The following WDR49 variants were observed in gnomAD, a reference collection of about 807,000 sequenced individuals.
WDR49 encodes cilia- and flagella-associated protein 337.
WDR49 carries 107 observed loss-of-function variants against 119.5 expected under a neutral mutation model. That is an observed-to-expected ratio of 0.90 (90% CI 0.77 to 1.05). The LOEUF (loss-of-function observed/expected upper bound fraction) is 1.05. Among genes scored for constraint, WDR49 ranks in the 50% least tolerant of loss-of-function variants. WDR49 has a pLI of 0.00. For missense variants in WDR49, 1,240 were observed against 1,220.5 expected (o/e 1.02, Z -0.24); for synonymous variants, 425 against 418.8 (o/e 1.01, Z -0.18).
chr3:167,541,891 G>GGAGTAGCTAT (rs1711860725), intron 10 of WDR49, among the ~76,000 whole-genome samples: 1 of 151,972 alleles, frequency 6.6e-6, no homozygotes, highest in African/African-American at 2.4e-5. Flanking sequence ...AAAGCAAGCA[G>GGAGTAGCTAT]GAGTAGCTAT....
At chr3:167,480,707 G>A (rs1750685442) in intron 18 of WDR49, among the ~76,000 whole-genome samples, 1 of 152,216 alleles carries the variant, frequency 6.6e-6, no homozygotes, top group Non-Finnish European at 1.5e-5. Context: ...CAAAACAGCT[G>A]AGATAGGACA....
intron 11 of WDR49, among the ~76,000 whole-genome samples, chr3:167,535,494 C>T (rs1752988363): frequency 6.6e-6 from 1 of 152,042 alleles, no homozygotes; most frequent in South Asian, 2.1e-4. Flanking sequence ...AAAAAATGTT[C>T]AACATCACTG....
intron 15 of WDR49, among the ~76,000 whole-genome samples, chr3:167,522,744 C>T (rs1238632367): frequency 6.6e-6 from 1 of 152,100 alleles, no homozygotes; most frequent in Non-Finnish European, 1.5e-5. Context: ...TAATGAACTA[C>T]AAAAATTTTT....
intron 10 of WDR49, among the ~76,000 whole-genome samples, chr3:167,548,035 A>G (rs1712315778): frequency 6.6e-6 from 1 of 152,186 alleles, no homozygotes; most frequent in Admixed American, 6.6e-5. Context: ...ATAATTTTTT[A>G]GAGAACACAC....
chr3:167,491,563 A>T (rs1751133867), intron 18 of WDR49, among the ~76,000 whole-genome samples: 1 of 152,116 alleles, frequency 6.6e-6, no homozygotes, highest in South Asian at 2.1e-4. Flanking sequence ...GAATAAAACC[A>T]TCTCTTTAAT....
At chr3:167,500,934 T>C (rs1412677901) in intron 17 of WDR49, among the ~76,000 whole-genome samples, 1 of 152,228 alleles carries the variant, frequency 6.6e-6, no homozygotes, top group East Asian at 1.9e-4. Flanking sequence ...ACTGGGTTTT[T>C]GTCACGATGG....
intron 2 of WDR49, among the ~76,000 whole-genome samples, chr3:167,634,731 CGTGTGCCATTGGCAACATGTGA>C (rs1375995013): frequency 6.6e-6 from 1 of 151,694 alleles, no homozygotes; most frequent in Non-Finnish European, 1.5e-5. Context: ...AAGAAGAGAT[CGTGTGCCATTGGCAACATGTGA>C]GTGTGCCAAC....
intron 18 of WDR49, among the ~76,000 whole-genome samples, chr3:167,494,546 A>G (rs1751273214): frequency 6.6e-6 from 1 of 152,190 alleles, no homozygotes; most frequent in African/African-American, 2.4e-5. Flanking sequence ...TGATGACCAA[A>G]ATAACTAAAT....
rs78806810 is a variant in WDR49 at position 167,481,570 on chromosome 3, A to G, written c.3032-2574T>C. The stretch of plus-strand genomic sequence containing the variant: ...AATAGATCAACAAACATATAATTAG[A>G]GTAGGTACTTGTATTAATTCGCTTT... On this transcript the variant is annotated intron_variant, in intron 18 of 18. Coordinates refer to ENST00000682715, the MANE Select transcript of WDR49 (RefSeq NM_001366157.1). Among the ~76,000 whole-genome samples the G allele has an allele frequency of 6.0e-3, 919 of 152,320 alleles. 9 individuals carry two copies. The highest frequency in any genetic ancestry group is 0.021 in the African/African-American group (874 of 41,564).
chr3:167,635,063 AC>A (rs1200464146), intron 2 of WDR49, among the ~76,000 whole-genome samples: 2 of 151,698 alleles, frequency 1.3e-5, no homozygotes. Context: ...ATTATTTATA[AC>A]CCCATTATTA....
rs571401777 is a variant in WDR49 at position 167,600,434 on chromosome 3, T to C, written c.1275+1693A>G. Among the ~76,000 whole-genome samples, 10 of 152,322 alleles carry C rather than the reference T, an allele frequency of 6.6e-5. No homozygotes were observed. The East Asian group carries it at 1.9e-3, about 29-fold the overall frequency. ...CTGTATTTCCTACCCTCTTTGGTGA[T>C]CCTTTCAGTTAAAACCAGGTACTGT... On this transcript the variant is annotated intron_variant, in intron 7 of 18. Coordinates refer to ENST00000682715, the MANE Select transcript of WDR49 (RefSeq NM_001366157.1).
chr3:167,493,078 G>A (rs569595236), intron 18 of WDR49, among the ~76,000 whole-genome samples: 62 of 152,256 alleles, frequency 4.1e-4, no homozygotes, highest in African/African-American at 1.5e-3. Context: ...GAGTAATGGA[G>A]AGACACTGGA....
At chr3:167,595,600 G>C (rs1001822800) in intron 7 of WDR49, among the ~76,000 whole-genome samples, 4 of 152,114 alleles carry the variant, frequency 2.6e-5, no homozygotes, top group Admixed American at 6.5e-5. Flanking sequence ...ACAAACCTGA[G>C]AAAAACAAGC....
chr3:167,528,038 GA>G (rs2108238859), intron 14 of WDR49, 21 bp from the exon 15 acceptor site: 1 of 1,589,862 alleles, frequency 6.3e-7, no homozygotes, highest in Non-Finnish European at 8.6e-7. Context: ...AGAAATACCA[GA>G]ACTCTAAAAA....
At chr3:167,496,489 G>A (rs1751358606) in intron 18 of WDR49, among the ~76,000 whole-genome samples, 1 of 151,558 alleles carries the variant, frequency 6.6e-6, no homozygotes, top group Non-Finnish European at 1.5e-5. Context: ...CTGGCTCATA[G>A]CAACTTAACT....
intron 2 of WDR49, among the ~76,000 whole-genome samples, chr3:167,630,749 A>G (rs1335611963): frequency 6.6e-6 from 1 of 152,152 alleles, no homozygotes; most frequent in Non-Finnish European, 1.5e-5. Context: ...TACGGGAAAC[A>G]CAGGGTTAAG....
chr3:167,598,913 C>T (rs975454309), intron 7 of WDR49, among the ~76,000 whole-genome samples: 2 of 152,202 alleles, frequency 1.3e-5, no homozygotes, highest in Admixed American at 1.3e-4. Flanking sequence ...TATTCTCTCA[C>T]CTTACTTTCT....
chr3:167,511,758 C>T (rs771625084), intron 16 of WDR49, among the ~76,000 whole-genome samples: 14 of 152,096 alleles, frequency 9.2e-5, no homozygotes, highest in Non-Finnish European at 1.9e-4. Flanking sequence ...TCCAATCAGC[C>T]GTTTTCCCCT....
intron 16 of WDR49, among the ~76,000 whole-genome samples, chr3:167,521,149 CA>C (rs1330691002): frequency 2.0e-5 from 3 of 151,760 alleles, no homozygotes; most frequent in Non-Finnish European, 4.4e-5. Context: ...ACAGGCCAAG[CA>C]GAAGTTAAAC....
Sources: gnomAD v4.1 joint callset for allele counts (sites outside exome capture counted in the v4.1 genomes callset) on GRCh38, gnomAD v4.1.1 for gene constraint, MANE v1.5 for transcripts, NCBI Gene and HGNC (gene_info 2026-07-23, HGNC 2026-07-21) for gene names.